The following PTPRK variants were observed in gnomAD, a reference collection of about 807,000 sequenced individuals.
PTPRK encodes the protein protein tyrosine phosphatase receptor type K, also known as receptor-type tyrosine-protein phosphatase kappa.
PTPRK carries 75 observed loss-of-function variants against 178.0 expected under a neutral mutation model. The ratio of observed to expected loss-of-function variants is 0.42; its 90% CI spans 0.35 to 0.51. PTPRK has a LOEUF of 0.51. Among genes scored for constraint, PTPRK ranks in the 20% least tolerant of loss-of-function variants. The probability of loss-of-function intolerance (pLI) is 0.02; values close to 1 mark genes in which losing one functional copy is unlikely to be tolerated. For missense variants in PTPRK, 1,441 were observed against 1,797.8 expected (o/e 0.80, Z 3.59); for synonymous variants, 637 against 620.6 (o/e 1.03, Z -0.39).
At chr6:128,374,493 A>G (rs1250610579) in intron 2 of PTPRK, among the ~76,000 whole-genome samples, 1 of 152,114 alleles carries the variant, frequency 6.6e-6, no homozygotes, top group Non-Finnish European at 1.5e-5. Context: ...TCCCCATCTC[A>G]GCTCATGACT....
intron 13 of PTPRK, among the ~76,000 whole-genome samples, chr6:128,027,398 G>T (rs796920239): frequency 2.6e-5 from 4 of 152,108 alleles, no homozygotes; most frequent in African/African-American, 7.2e-5. Flanking sequence ...ACATGAAAAT[G>T]CATAAAACAG....
chr6:128,137,311 C>T (rs1207298103), intron 7 of PTPRK, among the ~76,000 whole-genome samples: 3 of 152,106 alleles, frequency 2.0e-5, no homozygotes, highest in African/African-American at 7.2e-5. Flanking sequence ...CAAAAGTGTA[C>T]ATAGGTAAGC....
intron 3 of PTPRK, among the ~76,000 whole-genome samples, chr6:128,264,149 G>C (rs1262576145): frequency 1.3e-5 from 2 of 152,132 alleles, no homozygotes; most frequent in African/African-American, 4.8e-5. Flanking sequence ...ATCTGATGTA[G>C]GTCCAGTTAA....
At chr6:128,048,897 G>T (rs1047672701) in intron 13 of PTPRK, among the ~76,000 whole-genome samples, 1 of 151,972 alleles carries the variant, frequency 6.6e-6, no homozygotes, top group Non-Finnish European at 1.5e-5. Context: ...CCTTCAACTA[G>T]AATTTAAGTT....
intron 22 of PTPRK, among the ~76,000 whole-genome samples, chr6:127,984,783 G>C (rs539576083): frequency 1.2e-4 from 19 of 152,258 alleles, no homozygotes; most frequent in Non-Finnish European, 2.2e-4. Context: ...CTCAATCACT[G>C]TTCCCAGAGT....
At position 128,082,518 on chromosome 6, in the gene PTPRK, T is replaced by C; in HGVS notation, c.1696A>G (p.Thr566Ala). 1.2e-6 allele frequency: 2 copies of C among 1,613,408 alleles called. No individual in the cohort carries two copies. Among genetic ancestry groups the C allele is most frequent in the Non-Finnish European group, 1.7e-6 (2 of 1,179,446 alleles). ...HVFMHLHPGT[T>A]YQFFIRASTV... The stretch of plus-strand genomic sequence containing the variant: ...CTGGCTCTTATGAAAAACTGGTACG[T>C]GGTTCCAGGGTGGAGATGCATAAAG... The change falls in exon 10 of 30, where the codon ACG (threonine) becomes GCG (alanine). Residue 566 changes from threonine to alanine, a missense_variant. Around this residue, in one of 4 missense-constraint regions of PTPRK, gnomAD observed 945 missense variants for 1,080.6 expected, o/e 0.87. Coordinates refer to ENST00000368226, the MANE Select transcript of PTPRK (RefSeq NM_002844.4).
intron 19 of PTPRK, 78 bp from the exon 20 acceptor site, chr6:127,991,469 C>G: frequency 9.3e-7 from 1 of 1,070,718 alleles, no homozygotes; most frequent in Non-Finnish European, 1.3e-6. Flanking sequence ...AGATAAGAAG[C>G]AGAGTAAACT....
intron 2 of PTPRK, among the ~76,000 whole-genome samples, chr6:128,390,459 C>T (rs1028655775): frequency 6.6e-6 from 1 of 152,058 alleles, no homozygotes; most frequent in Non-Finnish European, 1.5e-5. Flanking sequence ...AAGAAACAGT[C>T]ATTTAAAGCT....
chr6:128,399,027 T>G (rs1414165797), intron 1 of PTPRK, among the ~76,000 whole-genome samples: 1 of 152,134 alleles, frequency 6.6e-6, no homozygotes, highest in Non-Finnish European at 1.5e-5. Context: ...GCATTAGAAC[T>G]AACGAAAATC....
intron 3 of PTPRK, among the ~76,000 whole-genome samples, chr6:128,266,510 G>A (rs527580883): frequency 6.6e-6 from 1 of 152,210 alleles, no homozygotes; most frequent in Non-Finnish European, 1.5e-5. Context: ...TAGAGGTCAA[G>A]CCTGATTTGA....
intron 7 of PTPRK, among the ~76,000 whole-genome samples, chr6:128,172,717 A>T (rs1035125722): frequency 6.6e-6 from 1 of 151,608 alleles, no homozygotes; most frequent in African/African-American, 2.4e-5. Context: ...ATATGTATGT[A>T]TATGATATGC....
intron 2 of PTPRK, among the ~76,000 whole-genome samples, chr6:128,396,735 C>T (rs1309660574): frequency 6.6e-6 from 1 of 152,170 alleles, no homozygotes; most frequent in Non-Finnish European, 1.5e-5. Flanking sequence ...CGCGGTGGCT[C>T]ACGCTTGTAA....
chr6:128,119,863 T>C (rs1276146610), intron 7 of PTPRK, among the ~76,000 whole-genome samples: 18 of 152,032 alleles, frequency 1.2e-4, no homozygotes, highest in Non-Finnish European at 1.5e-5. Context: ...TATTCAGCAA[T>C]AGCTATATAC....
intron 7 of PTPRK, among the ~76,000 whole-genome samples, chr6:128,108,504 G>T (rs1247843557): frequency 6.6e-6 from 1 of 152,118 alleles, no homozygotes; most frequent in Non-Finnish European, 1.5e-5. Flanking sequence ...CTTACTGATA[G>T]GGGATTGAAT....
At chr6:128,159,581 G>A (rs1046628487) in intron 7 of PTPRK, among the ~76,000 whole-genome samples, 2 of 151,542 alleles carry the variant, frequency 1.3e-5, no homozygotes, top group Non-Finnish European at 3.0e-5. Context: ...ATTTTAGAAA[G>A]AATCATAATC....
In PTPRK at chr6:128,418,935, T is replaced by C. The variant is rs576570519; in HGVS notation, c.101-21247A>G. On this transcript the variant is annotated intron_variant, in intron 1 of 29. Coordinates refer to ENST00000368226, the MANE Select transcript of PTPRK (RefSeq NM_002844.4). ...TCCCCTCTAGCTCTGTAAAGCACTC[T>C]ATTGTGTCACCAATCCACACTACTC... 2.4e-4 allele frequency among the ~76,000 whole-genome samples: 37 copies of C among 152,308 alleles called. 1 individual carries two copies. Among genetic ancestry groups the C allele is most frequent in the African/African-American group, 8.7e-4 (36 of 41,560 alleles).
At chr6:128,017,689 C>T (rs995564910) in intron 13 of PTPRK, among the ~76,000 whole-genome samples, 2 of 147,932 alleles carry the variant, frequency 1.4e-5, no homozygotes, top group Non-Finnish European at 3.0e-5. Flanking sequence ...GTTTTCAGCT[C>T]GCTCTCACTC....
intron 6 of PTPRK, among the ~76,000 whole-genome samples, chr6:128,205,603 T>A (rs935935626): frequency 4.0e-5 from 6 of 151,338 alleles, no homozygotes; most frequent in Non-Finnish European, 2.9e-5. Context: ...CGAAACCCCA[T>A]CTCTATTAAA....
intron 8 of PTPRK, among the ~76,000 whole-genome samples, chr6:128,084,314 G>A (rs961078650): frequency 6.6e-6 from 1 of 152,214 alleles, no homozygotes; most frequent in African/African-American, 2.4e-5. Context: ...ATAGCAAAAT[G>A]AATTGAAATG....
Sources: gnomAD v4.1 joint callset for allele counts (sites outside exome capture counted in the v4.1 genomes callset) on GRCh38, gnomAD v4.1.1 for gene constraint, gnomAD v4.1.1 regional missense constraint, MANE v1.5 for transcripts, NCBI Gene and HGNC (gene_info 2026-07-23, HGNC 2026-07-21) for gene names.